Variants in FAAH2 observed in about 807,000 individuals in gnomAD.
FAAH2 encodes fatty-acid amide hydrolase 2.
In FAAH2, 60 loss-of-function variants were observed where a neutral mutation model predicts 36.9. The ratio of observed to expected loss-of-function variants is 1.63; its 90% CI spans 1.32 to 2.02. The LOEUF is 2.02. Ranked by LOEUF, FAAH2 falls within the 30% of genes most tolerant of loss-of-function variation. FAAH2 has a pLI of 0.00. For synonymous variants in FAAH2, 214 were observed against 143.8 expected, an observed-to-expected ratio of 1.49 and a Z score of -3.49; for missense variants, 689 against 397.5, an observed-to-expected ratio of 1.73 and a Z score of -6.23.
At chrX:57,483,398 T>C (rs2057416052) in intron 10 of FAAH2, among the ~76,000 whole-genome samples, 1 of 111,016 alleles carries the variant, frequency 9.0e-6, no homozygotes, top group Admixed American at 9.7e-5. Flanking sequence ...ATTTATCTCT[T>C]CCTTCATATC....
At chrX:57,369,321 A>G (rs909932625) in intron 5 of FAAH2, among the ~76,000 whole-genome samples, 3 of 111,533 alleles carry the variant, frequency 2.7e-5, no homozygotes, top group African/African-American at 9.8e-5. Flanking sequence ...TTAACAAAAT[A>G]GTAGCTGAAA....
intron 7 of FAAH2, among the ~76,000 whole-genome samples, chrX:57,389,739 C>A (rs545655751): frequency 9.0e-6 from 1 of 110,878 alleles, no homozygotes; most frequent in Non-Finnish European, 1.9e-5. Context: ...TATTACTAGA[C>A]GTAGCATTGC....
Position 57,421,465 on chromosome X carries a change from G to A in FAAH2, c.997-10453G>A, listed in dbSNP as rs140285219. ...AATTTATTTTTTCATAGTTTTAGAGGGTAGGAATCTGATATCACGGTGCCA... is the reference window on the plus strand; with the variant it reads ...AATTTATTTTTTCATAGTTTTAGAGAGTAGGAATCTGATATCACGGTGCCA... On this transcript the variant is annotated intron_variant, in intron 7 of 10. Transcript: ENST00000374900. Among the ~76,000 whole-genome samples the A allele has an allele frequency of 3.4e-3, 382 of 111,528 alleles. 1 individual carries two copies. The highest frequency in any genetic ancestry group is 6.1e-3 in the Non-Finnish European group (326 of 53,094).
the FAAH2 span, among the ~76,000 whole-genome samples, chrX:57,149,633 T>A: frequency 9.0e-6 from 1 of 111,603 alleles, no homozygotes; most frequent in Non-Finnish European, 1.9e-5. Context: ...TTGCATCTAT[T>A]TGATTCTTCT....
intron 5 of FAAH2, among the ~76,000 whole-genome samples, chrX:57,370,249 A>G (rs2054517282): frequency 8.9e-6 from 1 of 111,945 alleles, no homozygotes; most frequent in African/African-American, 3.2e-5. Flanking sequence ...TACAATTGAA[A>G]CATATAAAGT....
chrX:57,469,750 TA>T (rs2057124318), intron 10 of FAAH2, among the ~76,000 whole-genome samples: 1 of 111,796 alleles, frequency 8.9e-6, no homozygotes, highest in Admixed American at 9.5e-5. Flanking sequence ...CAAGCGGACC[TA>T]ATAGACATCC....
At chrX:57,396,954 G>C (rs1374586651) in intron 7 of FAAH2, among the ~76,000 whole-genome samples, 1 of 111,367 alleles carries the variant, frequency 9.0e-6, no homozygotes, top group East Asian at 2.8e-4. Context: ...CACTATTTTT[G>C]TATTGCTTTC....
the FAAH2 span, among the ~76,000 whole-genome samples, chrX:57,194,793 T>A: frequency 9.0e-6 from 1 of 111,256 alleles, no homozygotes; most frequent in African/African-American, 3.3e-5. Flanking sequence ...TGCTGTTGAG[T>A]CCTCATAGCA....
chrX:57,349,641 A>G (rs886552048), intron 5 of FAAH2, among the ~76,000 whole-genome samples: 1 of 108,182 alleles, frequency 9.2e-6, no homozygotes, highest in Non-Finnish European at 1.9e-5. Flanking sequence ...TCAAAAATAG[A>G]CTATACAAAA....
the FAAH2 span, among the ~76,000 whole-genome samples, chrX:57,220,159 C>T: frequency 9.2e-6 from 1 of 108,703 alleles, no homozygotes; most frequent in Non-Finnish European, 1.9e-5. Context: ...TCATTAAATC[C>T]AGCAGACTGC....
chrX:57,320,819 A>G (rs924853110), intron 3 of FAAH2, among the ~76,000 whole-genome samples: 2 of 112,569 alleles, frequency 1.8e-5, no homozygotes, highest in Non-Finnish European at 3.8e-5. Context: ...GCATATGTAC[A>G]CCATGCAATA....
At chrX:57,426,490 A>G (rs1181530142) in intron 7 of FAAH2, among the ~76,000 whole-genome samples, 2 of 111,921 alleles carry the variant, frequency 1.8e-5, no homozygotes, top group African/African-American at 3.2e-5. Context: ...AGGATAGACC[A>G]TATTTTAGGC....
At chrX:57,321,469 T>C (rs1384180132) in intron 3 of FAAH2, among the ~76,000 whole-genome samples, 2 of 109,950 alleles carry the variant, frequency 1.8e-5, no homozygotes, top group Non-Finnish European at 3.8e-5. Context: ...ACTTATAGTA[T>C]AATAATAATT....
At chrX:57,241,473 T>C in the FAAH2 span, among the ~76,000 whole-genome samples, 1 of 112,052 alleles carries the variant, frequency 8.9e-6, no homozygotes, top group Non-Finnish European at 1.9e-5. Context: ...TATTAAAAAG[T>C]GGGCAAAAGA....
At chrX:57,249,013 G>A in the FAAH2 span, among the ~76,000 whole-genome samples, 2 of 109,926 alleles carry the variant, frequency 1.8e-5, no homozygotes, top group African/African-American at 3.3e-5. Flanking sequence ...AATAGAGAAG[G>A]TTCAATGATG....
intron 7 of FAAH2, among the ~76,000 whole-genome samples, chrX:57,390,024 A>G (rs1287528686): frequency 9.1e-6 from 1 of 110,120 alleles, no homozygotes; most frequent in African/African-American, 3.3e-5. Context: ...TTGTTTGCCA[A>G]TTTTTCAATT....
intron 5 of FAAH2, among the ~76,000 whole-genome samples, chrX:57,343,468 T>G (rs1379126387): frequency 8.9e-6 from 1 of 111,823 alleles, no homozygotes; most frequent in Non-Finnish European, 1.9e-5. Flanking sequence ...AATTGATTAT[T>G]TACTTTTTGC....
chrX:57,211,390 G>C, the FAAH2 span, among the ~76,000 whole-genome samples: 1 of 111,377 alleles, frequency 9.0e-6, no homozygotes, highest in African/African-American at 3.3e-5. Context: ...ATTTGCACCT[G>C]TCATTTTGGG....
At chrX:57,415,942 G>T (rs1308993939) in intron 7 of FAAH2, among the ~76,000 whole-genome samples, 2 of 111,388 alleles carry the variant, frequency 1.8e-5, no homozygotes, top group African/African-American at 6.5e-5. Flanking sequence ...AGGATGGTTA[G>T]CTTTACTTGT....
Sources: gnomAD v4.1 joint callset for allele counts (sites outside exome capture counted in the v4.1 genomes callset) on GRCh38, gnomAD v4.1.1 for gene constraint, MANE v1.5 for transcripts, NCBI Gene and HGNC (gene_info 2026-07-23, HGNC 2026-07-21) for gene names.